The following RAD51B variants were observed in gnomAD, a reference collection of about 807,000 sequenced individuals.
The protein encoded by RAD51B is RAD51 paralog B.
In RAD51B, 38 loss-of-function variants were observed where a neutral mutation model predicts 42.2. The ratio of observed to expected loss-of-function variants is 0.90; its 90% confidence interval spans 0.70 to 1.18. The LOEUF (loss-of-function observed/expected upper bound fraction) is 1.18. RAD51B is among the 50% of genes most tolerant of loss of function. RAD51B has a pLI of 0.00. For missense variants in RAD51B, 373 were observed against 400.7 expected (o/e 0.93, Z 0.59); for synonymous variants, 154 against 145.2 (o/e 1.06, Z -0.43).
intron 8 of RAD51B, among the ~76,000 whole-genome samples, chr14:68,404,138 G>C (rs2084197937): frequency 6.6e-6 from 1 of 152,126 alleles, no homozygotes. Context: ...CCATAACAAT[G>C]AAAATCCTCA....
intron 8 of RAD51B, among the ~76,000 whole-genome samples, chr14:68,370,379 A>G (rs1052914033): frequency 2.6e-5 from 4 of 152,244 alleles, no homozygotes; most frequent in African/African-American, 9.6e-5. Context: ...TCCTTTGTGT[A>G]CGTAGTTTTA....
At chr14:68,311,136 T>G (rs2081959861) in intron 8 of RAD51B, among the ~76,000 whole-genome samples, 2 of 152,162 alleles carry the variant, frequency 1.3e-5, no homozygotes, top group Non-Finnish European at 2.9e-5. Flanking sequence ...AGACTACCCC[T>G]AGGCAACTTT....
intron 10 of RAD51B, among the ~76,000 whole-genome samples, chr14:68,610,321 G>A (rs1039500649): frequency 5.3e-5 from 8 of 152,242 alleles, no homozygotes; most frequent in Middle Eastern, 3.4e-3. Flanking sequence ...CTCCCACTCC[G>A]GTGTTGCTAT....
chr14:68,550,706 T>C (rs905517807), intron 10 of RAD51B, among the ~76,000 whole-genome samples: 4 of 152,144 alleles, frequency 2.6e-5, no homozygotes, highest in African/African-American at 9.7e-5. Flanking sequence ...GAATTCCCTA[T>C]CAGCCAGCCT....
chr14:68,582,766 A>G (rs1015935481), intron 10 of RAD51B, among the ~76,000 whole-genome samples: 19 of 152,374 alleles, frequency 1.2e-4, no homozygotes, highest in Non-Finnish European at 1.9e-4. Context: ...ACGCCCATCA[A>G]TGATAGACTG....
intron 7 of RAD51B, among the ~76,000 whole-genome samples, chr14:68,239,255 C>T (rs886938615): frequency 2.6e-5 from 4 of 152,292 alleles, no homozygotes; most frequent in African/African-American, 7.2e-5. Context: ...CCTGCTTATT[C>T]GCCCCTTCTC....
chr14:68,590,333 T>TA (rs796366141), intron 10 of RAD51B, among the ~76,000 whole-genome samples: 28 of 152,052 alleles, frequency 1.8e-4, no homozygotes, highest in African/African-American at 5.8e-4. Flanking sequence ...TGACAGCTGT[T>TA]AAAAAAAAGA....
chr14:68,155,367 A>AT (rs1418838188), intron 7 of RAD51B, among the ~76,000 whole-genome samples: 1 of 151,316 alleles, frequency 6.6e-6, no homozygotes, highest in East Asian at 1.9e-4. Flanking sequence ...AATTTTTTGT[A>AT]TTTTTTAGTA....
chr14:67,968,390 C>A (rs1455652825), intron 7 of RAD51B, among the ~76,000 whole-genome samples: 1 of 152,232 alleles, frequency 6.6e-6, no homozygotes, highest in African/African-American at 2.4e-5. Flanking sequence ...TTCTTTTCTA[C>A]TGCATCATCA....
intron 7 of RAD51B, among the ~76,000 whole-genome samples, chr14:68,249,879 C>A (rs906400270): frequency 3.9e-5 from 6 of 152,188 alleles, no homozygotes; most frequent in African/African-American, 1.4e-4. Context: ...ATACCTCAAA[C>A]AACATATATA....
intron 9 of RAD51B, chr14:68,421,917 G>C: frequency 6.4e-7 from 1 of 1,573,252 alleles, no homozygotes; most frequent in Non-Finnish European, 8.7e-7. Flanking sequence ...GCCAGGACCT[G>C]TATGCTTTAG....
chr14:68,368,597 T>C (rs955168137), intron 8 of RAD51B, among the ~76,000 whole-genome samples: 3 of 152,222 alleles, frequency 2.0e-5, no homozygotes, highest in African/African-American at 4.8e-5. Context: ...ACTGCTGTAA[T>C]GGAGTTGCTC....
intron 4 of RAD51B, among the ~76,000 whole-genome samples, chr14:67,840,809 T>C (rs1205285505): frequency 6.7e-6 from 1 of 150,118 alleles, no homozygotes; most frequent in African/African-American, 2.4e-5. Flanking sequence ...TTTTTGACTT[T>C]TTTTTTTTTT....
intron 10 of RAD51B, among the ~76,000 whole-genome samples, chr14:68,491,042 G>C (rs912438733): frequency 6.6e-6 from 1 of 152,154 alleles, no homozygotes; most frequent in Non-Finnish European, 1.5e-5. Flanking sequence ...AGGGAGCTAG[G>C]AGATAGAGAA....
chr14:67,871,482 A>T (rs2042530210), intron 5 of RAD51B, among the ~76,000 whole-genome samples: 1 of 152,236 alleles, frequency 6.6e-6, no homozygotes, highest in Non-Finnish European at 1.5e-5. Context: ...GACTAAATGG[A>T]TTCACAGCCG....
chr14:68,342,815 A>G (rs2082598755), intron 8 of RAD51B, among the ~76,000 whole-genome samples: 1 of 152,154 alleles, frequency 6.6e-6, no homozygotes, highest in Admixed American at 6.5e-5. Context: ...ACCTAATTGT[A>G]GACTTTTTTG....
chr14:68,586,193 T>A (rs560618406), intron 10 of RAD51B, among the ~76,000 whole-genome samples: 2 of 152,188 alleles, frequency 1.3e-5, no homozygotes, highest in Non-Finnish European at 2.9e-5. Context: ...CCGAGGACAG[T>A]AGATTCGCCC....
intron 8 of RAD51B, among the ~76,000 whole-genome samples, chr14:68,292,548 G>C (rs1278839541): frequency 6.6e-6 from 1 of 152,210 alleles, no homozygotes; most frequent in East Asian, 1.9e-4. Context: ...ATAAACCAGA[G>C]GGTGGTTTCT....
At chr14:68,524,795 A>T (rs1336441194) in intron 10 of RAD51B, among the ~76,000 whole-genome samples, 1 of 152,172 alleles carries the variant, frequency 6.6e-6, no homozygotes, top group African/African-American at 2.4e-5. Flanking sequence ...AAAACCATTT[A>T]TGTGATTTCC....
Sources: gnomAD v4.1 joint callset for allele counts (sites outside exome capture counted in the v4.1 genomes callset) on GRCh38, gnomAD v4.1.1 for gene constraint, MANE v1.5 for transcripts, NCBI Gene and HGNC (gene_info 2026-07-23, HGNC 2026-07-21) for gene names.